The following ZNF565 variants were observed in gnomAD, a reference collection of about 807,000 sequenced individuals.
ZNF565 encodes zinc finger protein 565.
ZNF565 carries 27 observed loss-of-function variants against 39.4 expected under a neutral mutation model. The ratio of observed to expected loss-of-function variants is 0.69; its 90% confidence interval spans 0.51 to 0.95. The LOEUF (loss-of-function observed/expected upper bound fraction) is 0.95. Among genes scored for constraint, ZNF565 ranks in the 40% least tolerant of loss-of-function variants. ZNF565 has a pLI of 0.00. For missense variants in ZNF565, 524 were observed against 621.1 expected, an observed-to-expected ratio of 0.84 and a Z score of 1.66; for synonymous variants, 185 against 216.6, an observed-to-expected ratio of 0.85 and a Z score of 1.28.
At chr19:36,189,353 G>A (rs776838116) in intron 4 of ZNF565, among the ~76,000 whole-genome samples, 3 of 150,644 alleles carry the variant, frequency 2.0e-5, no homozygotes, top group Admixed American at 6.6e-5. Flanking sequence ...TCGCTCTGTC[G>A]CCCAGGCTGG....
intron 1 of ZNF565, among the ~76,000 whole-genome samples, chr19:36,240,855 A>G (rs1977787331): frequency 6.8e-6 from 1 of 148,012 alleles, no homozygotes; most frequent in African/African-American, 2.6e-5. Flanking sequence ...GGGAGACAGA[A>G]TGAGACTCTA....
intron 1 of ZNF565, among the ~76,000 whole-genome samples, chr19:36,239,659 A>G (rs1372095855): frequency 1.3e-5 from 2 of 152,162 alleles, no homozygotes. Flanking sequence ...ACAACTTCCC[A>G]TAACTTCCAC....
chr19:36,224,404 T>C (rs549912798), intron 1 of ZNF565, among the ~76,000 whole-genome samples: 2 of 152,292 alleles, frequency 1.3e-5, no homozygotes, highest in South Asian at 4.1e-4. Flanking sequence ...AAAAAGGTCT[T>C]ATGTTTACTA....
At position 36,195,689 on chromosome 19, in the gene ZNF565, C is replaced by T. The variant is rs117454207; in HGVS notation, c.10-533G>A. On this transcript the variant is annotated intron_variant, in intron 2 of 4. Coordinates refer to ENST00000304116, the MANE Select transcript of ZNF565 (RefSeq NM_152477.5). The stretch of plus-strand genomic sequence containing the variant: ...CCTCCCGAATAGCTGGGACCATAGG[C>T]GCGTGCCACTGTGCCCGGCTAATTT... Among the ~76,000 whole-genome samples, 1,194 of 138,304 alleles carry T rather than the reference C, an allele frequency of 8.6e-3. 25 individuals are homozygous for T. The highest frequency in any genetic ancestry group is 0.015 in the Non-Finnish European group (943 of 64,480). 90.7% of individuals were successfully genotyped at this position (138,304 alleles called of 152,430 possible). A position where few individuals can be genotyped will look rare whatever the true frequency, so the allele number is the denominator to read the frequency against.
chr19:36,234,076 T>C (rs187760480), intron 1 of ZNF565, among the ~76,000 whole-genome samples: 38 of 152,038 alleles, frequency 2.5e-4, no homozygotes, highest in Admixed American at 2.2e-3. Flanking sequence ...GATTAGGGAG[T>C]GGTGATGACT....
chr19:36,211,542 C>T (rs1342649850), intron 1 of ZNF565, among the ~76,000 whole-genome samples: 6 of 151,552 alleles, frequency 4.0e-5, no homozygotes, highest in Non-Finnish European at 1.5e-5. Flanking sequence ...GCCTGTAATC[C>T]CAGTACTTTG....
chr19:36,196,572 G>A (rs897427657), intron 2 of ZNF565, among the ~76,000 whole-genome samples: 1 of 152,202 alleles, frequency 6.6e-6, no homozygotes, highest in Non-Finnish European at 1.5e-5. Flanking sequence ...ATCTTCCATG[G>A]TCTGGGAATG....
upstream of ZNF565, among the ~76,000 whole-genome samples, chr19:36,216,993 A>G (rs1026274492): frequency 2.0e-5 from 3 of 150,000 alleles, no homozygotes; most frequent in African/African-American, 7.3e-5. Flanking sequence ...TAGGAGGTCA[A>G]GGCTGCAGTG....
chr19:36,228,174 A>AAAAAG lies in ZNF565; in HGVS notation c.55+17301_55+17302insCTTTT, dbSNP rs1555742407. ...AAACTGTCTCAAAAAAAAAAAAAAAAAAAGAAAGAATTTCACTCTCAGTAT... is the reference window on the plus strand; with the variant it reads ...AAACTGTCTCAAAAAAAAAAAAAAAAAAAAGAAAGAAAGAATTTCACTCTCAGTAT... On this transcript the variant is annotated intron_variant, in intron 1 of 4. Coordinates refer to the ZNF565 transcript ENST00000355114. Among the ~76,000 whole-genome samples, 126 of 144,296 alleles carry AAAAAG rather than the reference A, an allele frequency of 8.7e-4. 2 individuals carry two copies. Among genetic ancestry groups the AAAAAG allele is most frequent in the African/African-American group, 2.6e-3 (101 of 38,708 alleles). 94.7% of individuals were successfully genotyped at this position (144,296 alleles called of 152,430 possible).
intron 1 of ZNF565, among the ~76,000 whole-genome samples, chr19:36,213,912 T>C (rs1976473808): frequency 1.5e-5 from 2 of 132,902 alleles, no homozygotes; most frequent in South Asian, 5.5e-4. Context: ...AGTCACACAA[T>C]CTACTCTCCA....
At chr19:36,194,868 C>T (rs555351687) in intron 3 of ZNF565, 162 bp downstream of exon 3, 3 of 1,059,096 alleles carry the variant, frequency 2.8e-6, no homozygotes, top group East Asian at 2.6e-5. Context: ...GAAGTAGCTA[C>T]AGCTATTGCT....
intron 1 of ZNF565, among the ~76,000 whole-genome samples, chr19:36,230,703 A>C (rs572358414): frequency 2.6e-4 from 39 of 152,236 alleles, no homozygotes; most frequent in African/African-American, 9.1e-4. Context: ...GGCAAAAGGG[A>C]ATAAGAGTAG....
rs376230162 is a variant in ZNF565 at position 36,184,668 on chromosome 19, CT to C, written c.233-936del. 7.8e-3 allele frequency among the ~76,000 whole-genome samples: 1,192 copies of C among 152,248 alleles called. 10 individuals are homozygous for C. Among genetic ancestry groups the C allele is most frequent in the African/African-American group, 0.025 (1,045 of 41,534 alleles). ...CCTGGCAACCATTACTGGCACAGAG[CT>C]ACTAATTCTGTCTCTATAAATTTGC... On this transcript the variant is annotated intron_variant, in intron 4 of 4. Coordinates refer to ENST00000304116, the MANE Select transcript of ZNF565 (RefSeq NM_152477.5).
intron 1 of ZNF565, among the ~76,000 whole-genome samples, chr19:36,243,361 G>C (rs144182140): frequency 3.0e-4 from 45 of 152,220 alleles, no homozygotes; most frequent in African/African-American, 8.4e-4. Context: ...AATCCTCAGG[G>C]AAGGCAGACT....
Position 36,194,213 on chromosome 19 carries a change from C to T in ZNF565, c.232+20G>A, listed in dbSNP as rs370374763. ...GACTCATCCAGGGACCTTCCCCTGT[C>T]GAAATCGGCCCTCGCTTACCTGGGC... is the stretch of plus-strand genomic sequence containing the variant. On this transcript the variant is annotated intron_variant, in intron 4 of 4. Transcript: ENST00000304116. The T allele has an allele frequency of 5.7e-5, 91 of 1,596,676 alleles. No individual in the cohort carries two copies. Among genetic ancestry groups the T allele is most frequent in the Non-Finnish European group, 2.0e-5 (23 of 1,170,310 alleles).
intron 1 of ZNF565, among the ~76,000 whole-genome samples, chr19:36,214,335 AG>A (rs747985490): frequency 2.4e-4 from 36 of 152,020 alleles, no homozygotes; most frequent in Non-Finnish European, 4.3e-4. Context: ...CTCACACCCC[AG>A]GAACAGGGCG....
chr19:36,245,903 C>T lies in ZNF565; in HGVS notation c.-373G>A. On this transcript the variant is annotated 5_prime_UTR_variant, in exon 1 of 5. Coordinates refer to the ZNF565 transcript ENST00000355114. The surrounding 1 kb of genome is among the most constrained non-coding windows in gnomAD (Gnocchi z 4.4). ...AGGCGGAACCCGACCGGGATCGCCCCGCGAGATGCAGTCGTTGAGGGAGTC... is the reference window on the plus strand; with the variant it reads ...AGGCGGAACCCGACCGGGATCGCCCTGCGAGATGCAGTCGTTGAGGGAGTC... 4.2e-6 allele frequency: 1 copy of T among 238,838 alleles called. No homozygotes were observed. Among genetic ancestry groups the T allele is most frequent in the South Asian group, 7.5e-5 (1 of 13,388 alleles). The allele number at this position is 238,838 out of a possible 1,614,324, so 14.8% of individuals were successfully genotyped here. A position where few individuals can be genotyped will look rare whatever the true frequency, so the allele number is the denominator to read the frequency against.
At chr19:36,201,867 TG>T in intron 2 of ZNF565, 109 bp downstream of exon 2, 1 of 1,317,852 alleles carries the variant, frequency 7.6e-7, no homozygotes, top group Non-Finnish European at 1.1e-6. Flanking sequence ...TCTCCTGGAA[TG>T]GACCAACTGT....
At chr19:36,201,955 G>A in intron 2 of ZNF565, 22 bp downstream of exon 2, 1 of 1,612,954 alleles carries the variant, frequency 6.2e-7, no homozygotes, top group Non-Finnish European at 8.5e-7. Context: ...TCATTCTAAG[G>A]ATAGAAGGAA....
Sources: gnomAD v4.1 joint callset for allele counts (sites outside exome capture counted in the v4.1 genomes callset) on GRCh38, gnomAD v4.1.1 for gene constraint, Gnocchi (gnomAD v3.1) non-coding constraint, MANE v1.5 for transcripts, NCBI Gene and HGNC (gene_info 2026-07-23, HGNC 2026-07-21) for gene names.